LRBA: variants seen among roughly 807,000 people sequenced by gnomAD.
LRBA encodes the protein LPS responsive beige-like anchor protein, also known as lipopolysaccharide-responsive and beige-like anchor protein.
Under a neutral mutation model 330.0 loss-of-function variants are expected in LRBA, and 176 were observed. The observed-to-expected ratio is 0.53, with a 90% CI of 0.47 to 0.60. The LOEUF is 0.60. LRBA is among the 20% of genes least tolerant of loss of function. The pLI, the probability that LRBA is intolerant of heterozygous loss-of-function variation, is 0.00. For missense variants in LRBA, 3,259 were observed against 3,444.8 expected (o/e 0.95, Z 1.35); for synonymous variants, 1,230 against 1,193.0 (o/e 1.03, Z -0.64).
chr4:150,840,053 C>T (rs1218094741), intron 28 of LRBA, among the ~76,000 whole-genome samples: 1 of 152,194 alleles, frequency 6.6e-6, no homozygotes, highest in South Asian at 2.1e-4. Flanking sequence ...GGTAGCTTCA[C>T]TTTTCTTCTG....
chr4:150,931,362 G>A (rs1239503483), intron 2 of LRBA, among the ~76,000 whole-genome samples: 2 of 151,160 alleles, frequency 1.3e-5, no homozygotes, highest in African/African-American at 4.8e-5. Flanking sequence ...GCTGACGGTG[G>A]TGGTTATTGT....
At chr4:150,279,660 T>G (rs1197701226) in intron 55 of LRBA, among the ~76,000 whole-genome samples, 1 of 152,222 alleles carries the variant, frequency 6.6e-6, no homozygotes, top group African/African-American at 2.4e-5. Context: ...ATACAGCTTA[T>G]TCTCAAGAAC....
intron 47 of LRBA, among the ~76,000 whole-genome samples, chr4:150,361,964 G>A (rs900819697): frequency 8.6e-5 from 13 of 151,892 alleles, no homozygotes; most frequent in Non-Finnish European, 1.6e-4. Context: ...AGTAGAGACG[G>A]GGTTTCACCA....
chr4:150,570,204 G>T (rs1247232725), intron 40 of LRBA, among the ~76,000 whole-genome samples: 2 of 152,082 alleles, frequency 1.3e-5, no homozygotes, highest in Non-Finnish European at 2.9e-5. Flanking sequence ...AATACTGAAT[G>T]AAATTGATGT....
At chr4:150,734,452 A>G (rs1426572504) in intron 36 of LRBA, among the ~76,000 whole-genome samples, 1 of 152,170 alleles carries the variant, frequency 6.6e-6, no homozygotes, top group Admixed American at 6.6e-5. Context: ...TGCTGGTTGT[A>G]TAAAATTCAC....
chr4:150,434,875 G>C (rs1432526431), intron 46 of LRBA, among the ~76,000 whole-genome samples: 1 of 151,502 alleles, frequency 6.6e-6, no homozygotes, highest in Non-Finnish European at 1.5e-5. Flanking sequence ...AAAAAAAAGA[G>C]TTCGGAATCC....
Position 150,867,688 on chromosome 4 carries a change from A to T in LRBA, c.2749T>A (p.Ser917Thr), listed in dbSNP as rs772815042. 1 of 1,608,674 alleles carries T rather than the reference A, an allele frequency of 6.2e-7. No individual in the cohort carries two copies. The highest frequency in any genetic ancestry group is 1.1e-5 in the South Asian group (1 of 89,642). The change falls in exon 22 of 57, where the codon TCA becomes ACA. Residue 917 changes from serine to threonine, a missense_variant. By Grantham distance (58) the Ser-to-Thr change is moderately conservative (BLOSUM62 1). Coordinates refer to ENST00000651943, the MANE Select transcript of LRBA (RefSeq NM_001364905.1). Reference protein sequence around the residue: ...GGWRVWVDTLSITHSKVTFEI... With the variant: ...GGWRVWVDTLTITHSKVTFEI... ...AAACTTACCTTTGAATGAGTGATTGATAAAGTGTCTACCCATACACGCCAG... is the reference window on the plus strand; with the variant it reads ...AAACTTACCTTTGAATGAGTGATTGTTAAAGTGTCTACCCATACACGCCAG...
At chr4:150,817,363 T>C (rs1744757497) in intron 30 of LRBA, 106 bp from the exon 31 acceptor site, 1 of 1,008,130 alleles carries the variant, frequency 9.9e-7, no homozygotes. Context: ...TTTCTAATTT[T>C]CTTTCTTATT....
chr4:151,014,872 A>G lies in LRBA; in HGVS notation c.-219-11T>C. The G allele has an allele frequency of 2.0e-6, 1 of 506,948 alleles. No homozygotes were observed. Among genetic ancestry groups the G allele is most frequent in the Non-Finnish European group, 3.5e-6 (1 of 285,604 alleles). The allele number at this position is 506,948 out of a possible 1,614,324, so 31.4% of individuals were successfully genotyped here. ...CAACAACGCCAAACCCTATTGGAAGATTAAATATATGTTAAATAGGCTAGG... is the reference window on the plus strand; with the variant it reads ...CAACAACGCCAAACCCTATTGGAAGGTTAAATATATGTTAAATAGGCTAGG... On this transcript the variant is annotated splice_polypyrimidine_tract_variant and intron_variant, in intron 1 of 56. Coordinates refer to ENST00000651943, the MANE Select transcript of LRBA (RefSeq NM_001364905.1).
At chr4:150,675,109 A>C (rs1782418678) in intron 37 of LRBA, among the ~76,000 whole-genome samples, 1 of 152,092 alleles carries the variant, frequency 6.6e-6, no homozygotes, top group African/African-American at 2.4e-5. Context: ...CTGAGTTAAA[A>C]GGACTGCTTC....
intron 22 of LRBA, among the ~76,000 whole-genome samples, chr4:150,863,972 G>A (rs369803130): frequency 2.0e-5 from 3 of 151,632 alleles, no homozygotes; most frequent in Admixed American, 6.6e-5. Flanking sequence ...ACAGAGTCTC[G>A]CTCTGTTGCA....
chr4:150,956,962 T>C (rs1192674768), intron 2 of LRBA, among the ~76,000 whole-genome samples: 1 of 149,148 alleles, frequency 6.7e-6, no homozygotes, highest in East Asian at 1.9e-4. Context: ...AAAATACATA[T>C]ACACACACAT....
At chr4:150,379,378 A>G (rs1333058569) in intron 47 of LRBA, among the ~76,000 whole-genome samples, 2 of 151,852 alleles carry the variant, frequency 1.3e-5, no homozygotes, top group Non-Finnish European at 2.9e-5. Flanking sequence ...CCATAATTAG[A>G]AATATCACCA....
intron 44 of LRBA, 115 bp downstream of exon 44, chr4:150,467,558 T>A (rs527528568): frequency 1.4e-5 from 8 of 587,042 alleles, no homozygotes; most frequent in Non-Finnish European, 2.4e-5. Flanking sequence ...ATAATTATAT[T>A]AAAGGTACGA....
At position 150,555,788 on chromosome 4, in the gene LRBA, A is replaced by ACAC. The variant is rs1554054001; in HGVS notation, c.6330+32259_6330+32260insGTG. Among the ~76,000 whole-genome samples, 21 of 101,184 alleles carry ACAC rather than the reference A, an allele frequency of 2.1e-4. 1 individual carries two copies. In the Middle Eastern group the frequency reaches 0.013, roughly 63 times the overall value. 66.4% of individuals were successfully genotyped at this position (101,184 alleles called of 152,430 possible). On this transcript the variant is annotated intron_variant, in intron 40 of 56. Coordinates refer to ENST00000651943, the MANE Select transcript of LRBA (RefSeq NM_001364905.1). ...ACACACACACACACACACACACACA[A>ACAC]ACAAATAGAATCTAAAAATATTCTC...
intron 35 of LRBA, among the ~76,000 whole-genome samples, chr4:150,759,091 C>T (rs565220034): frequency 6.6e-6 from 1 of 150,892 alleles, no homozygotes; most frequent in South Asian, 2.1e-4. Flanking sequence ...TAATTGTTTG[C>T]ATTTTTTGTA....
At chr4:150,570,915 A>G (rs1769759337) in intron 40 of LRBA, among the ~76,000 whole-genome samples, 1 of 152,168 alleles carries the variant, frequency 6.6e-6, no homozygotes, top group Non-Finnish European at 1.5e-5. Flanking sequence ...TGTCAAATTG[A>G]CTGTATTAAA....
chr4:150,588,443 C>A (rs958466732), intron 39 of LRBA, among the ~76,000 whole-genome samples: 3 of 152,118 alleles, frequency 2.0e-5, no homozygotes, highest in African/African-American at 7.2e-5. Context: ...AGGGAGTCTG[C>A]AAAGCTTTGG....
chr4:150,374,297 A>G lies in LRBA; in HGVS notation c.7195-24138T>C, dbSNP rs182672416. Among the ~76,000 whole-genome samples, 113 of 152,278 alleles carry G rather than the reference A, an allele frequency of 7.4e-4. 1 individual carries two copies. Among genetic ancestry groups the G allele is most frequent in the Admixed American group, 6.5e-4 (10 of 15,292 alleles). On this transcript the variant is annotated intron_variant, in intron 47 of 56. Coordinates refer to ENST00000651943, the MANE Select transcript of LRBA (RefSeq NM_001364905.1). Reference sequence around the variant, plus strand: ...GACACATTTCCTTGTCTCCCTTATAACCTGATAAGGCCATGTGCTCAAGTT... The same window carrying G: ...GACACATTTCCTTGTCTCCCTTATAGCCTGATAAGGCCATGTGCTCAAGTT...
Sources: gnomAD v4.1 joint callset for allele counts (sites outside exome capture counted in the v4.1 genomes callset) on GRCh38, gnomAD v4.1.1 for gene constraint, MANE v1.5 for transcripts, NCBI Gene and HGNC (gene_info 2026-07-23, HGNC 2026-07-21) for gene names.